The following NEDD4L variants were observed in gnomAD, a reference collection of about 807,000 sequenced individuals.
The protein encoded by NEDD4L is NEDD4 like E3 ubiquitin protein ligase.
A neutral mutation model predicts 148.9 loss-of-function variants in NEDD4L; 54 were observed. The ratio of observed to expected loss-of-function variants is 0.36; its 90% CI spans 0.29 to 0.45. The LOEUF (loss-of-function observed/expected upper bound fraction) is 0.45, where lower values mean the gene tolerates loss of function less well. NEDD4L is among the 20% of genes least tolerant of loss of function. The pLI, the probability that NEDD4L is intolerant of heterozygous loss-of-function variation, is 1.00. For synonymous variants in NEDD4L, 433 were observed against 440.7 expected (o/e 0.98, Z 0.22); for missense variants, 856 against 1,233.8 (o/e 0.69, Z 4.59).
At chr18:58,293,321 T>C (rs1257387436) in intron 5 of NEDD4L, among the ~76,000 whole-genome samples, 1 of 152,234 alleles carries the variant, frequency 6.6e-6, no homozygotes, top group Non-Finnish European at 1.5e-5. Flanking sequence ...GCTTGTGCTC[T>C]TGGGAAAATC....
intron 1 of NEDD4L, among the ~76,000 whole-genome samples, chr18:58,076,539 C>T (rs2083167326): frequency 6.6e-6 from 1 of 152,042 alleles, no homozygotes. Context: ...GGAAAAGGGC[C>T]AAAAGACTTT....
intron 8 of NEDD4L, among the ~76,000 whole-genome samples, chr18:58,324,686 G>T (rs1203256100): frequency 1.3e-5 from 2 of 152,232 alleles, no homozygotes; most frequent in Non-Finnish European, 2.9e-5. Context: ...TATGGAAAGA[G>T]TATGATGTGA....
At chr18:58,263,888 C>T (rs2049841082) in intron 5 of NEDD4L, among the ~76,000 whole-genome samples, 1 of 149,540 alleles carries the variant, frequency 6.7e-6, no homozygotes. Context: ...AGTTACATTG[C>T]AGAACTAACA....
intron 5 of NEDD4L, among the ~76,000 whole-genome samples, chr18:58,278,687 T>A (rs1283609447): frequency 6.6e-6 from 1 of 152,246 alleles, no homozygotes; most frequent in Middle Eastern, 3.4e-3. Flanking sequence ...CAGTCCCTCA[T>A]GTACAGGCCT....
intron 1 of NEDD4L, among the ~76,000 whole-genome samples, chr18:58,066,387 G>GT (rs368243667): frequency 0.021 from 2,342 of 112,002 alleles, 88 homozygotes; most frequent in African/African-American, 0.065. Flanking sequence ...CTCTGTATTA[G>GT]TTTTTTTTTT....
intron 12 of NEDD4L, among the ~76,000 whole-genome samples, chr18:58,334,754 T>C (rs981250240): frequency 1.3e-5 from 2 of 152,230 alleles, no homozygotes; most frequent in African/African-American, 4.8e-5. Context: ...TTTTCTTGAC[T>C]TCAAAGGATA....
intron 15 of NEDD4L, among the ~76,000 whole-genome samples, chr18:58,342,577 A>G (rs1233071424): frequency 6.6e-6 from 1 of 152,090 alleles, no homozygotes; most frequent in Non-Finnish European, 1.5e-5. Flanking sequence ...TCTTCATTAG[A>G]CTGTGAGCTC....
chr18:58,110,631 G>A (rs758027806), intron 1 of NEDD4L, among the ~76,000 whole-genome samples: 1 of 152,204 alleles, frequency 6.6e-6, no homozygotes, highest in Non-Finnish European at 1.5e-5. Context: ...CACCCACGAT[G>A]GACCTGCCCT....
rs372009925 is a variant in NEDD4L, at chr18:58,325,029, G to T, written c.547G>T (p.Ala183Ser). 1 of 1,613,914 alleles carries T rather than the reference G, an allele frequency of 6.2e-7. No individual in the cohort carries two copies. Among genetic ancestry groups the T allele is most frequent in the South Asian group, 1.1e-5 (1 of 91,054 alleles). The change falls in exon 9 of 31, where the codon GCT (alanine) becomes TCT (serine). Residue 183 changes from alanine (A) to serine (S), a missense_variant. By Grantham distance (99) the Ala-to-Ser change is moderately conservative. Coordinates refer to ENST00000400345, the MANE Select transcript of NEDD4L (RefSeq NM_001144967.3). ...GGAAGTTGTTGACTCAAATGACTCG[G>T]CTTCTCAGCACCAAGAGGAACTTCC... ...GWEVVDSNDS[A>S]SQHQEELPPP... is the part of the protein sequence containing the mutation.
chr18:58,058,296 C>T (rs1245286648), intron 1 of NEDD4L, among the ~76,000 whole-genome samples: 1 of 152,186 alleles, frequency 6.6e-6, no homozygotes, highest in East Asian at 1.9e-4. Flanking sequence ...CAGAGCGAGA[C>T]TCCATCTCAA....
At chr18:58,374,628 C>G (rs929123762) in intron 24 of NEDD4L, among the ~76,000 whole-genome samples, 1 of 151,972 alleles carries the variant, frequency 6.6e-6, no homozygotes, top group East Asian at 1.9e-4. Flanking sequence ...ACCGAGAGTA[C>G]TGGTGTCTCC....
intron 2 of NEDD4L, among the ~76,000 whole-genome samples, chr18:58,222,510 A>G (rs2147955415): frequency 6.6e-6 from 1 of 152,052 alleles, no homozygotes; most frequent in African/African-American, 2.4e-5. Flanking sequence ...CACCCTTCCT[A>G]CTCATACATG....
chr18:58,273,492 T>C (rs1035137545), intron 5 of NEDD4L, among the ~76,000 whole-genome samples: 5 of 152,218 alleles, frequency 3.3e-5, no homozygotes, highest in African/African-American at 1.2e-4. Flanking sequence ...TCCTGAGATA[T>C]AGACACGGTA....
intron 5 of NEDD4L, among the ~76,000 whole-genome samples, chr18:58,297,580 C>G (rs532152892): frequency 6.6e-6 from 1 of 152,186 alleles, no homozygotes; most frequent in Non-Finnish European, 1.5e-5. Context: ...CCTTATCTCC[C>G]AAATAGGAGA....
chr18:58,254,394 G>C (rs565167065), intron 5 of NEDD4L, among the ~76,000 whole-genome samples: 1 of 151,876 alleles, frequency 6.6e-6, no homozygotes. Context: ...ACAGTTTTTT[G>C]AGTGTGCACT....
intron 2 of NEDD4L, among the ~76,000 whole-genome samples, chr18:58,186,255 C>T (rs1383492406): frequency 6.6e-6 from 1 of 152,226 alleles, no homozygotes; most frequent in Non-Finnish European, 1.5e-5. Context: ...CTCCCTCTGC[C>T]CTCTGCAGGT....
At chr18:58,194,614 G>A (rs1183556914) in intron 2 of NEDD4L, among the ~76,000 whole-genome samples, 1 of 152,138 alleles carries the variant, frequency 6.6e-6, no homozygotes, top group African/African-American at 2.4e-5. Context: ...GGCAGGGTTT[G>A]GGCTGTGGGG....
At chr18:58,272,521 G>GGGAGGTA (rs1161200500) in intron 5 of NEDD4L, among the ~76,000 whole-genome samples, 2 of 151,912 alleles carry the variant, frequency 1.3e-5, no homozygotes, top group East Asian at 3.9e-4. Context: ...CCAGCTATTC[G>GGGAGGTA]GGAGGTAGGA....
chr18:58,349,428 A>G (rs2043585083), intron 16 of NEDD4L, 109 bp from the exon 17 acceptor site: 2 of 809,302 alleles, frequency 2.5e-6, no homozygotes, highest in Non-Finnish European at 4.3e-6. Flanking sequence ...CGCTCCAGGC[A>G]TGGACAGCCT....
Sources: allele counts gnomAD v4.1 joint callset (sites outside exome capture counted in the v4.1 genomes callset), GRCh38; gene constraint gnomAD v4.1.1; transcripts MANE v1.5; gene names NCBI Gene and HGNC (gene_info 2026-07-23, HGNC 2026-07-21).